HDAC8: variants seen among roughly 807,000 people sequenced by gnomAD.
HDAC8 encodes the protein histone deacetylase-like 1.
A neutral mutation model predicts 32.2 loss-of-function variants in HDAC8; 1 was observed. The ratio of observed to expected loss-of-function variants is 0.03; its 90% confidence interval spans 0.01 to 0.15. HDAC8 has a LOEUF of 0.15. Among genes scored for constraint, HDAC8 ranks in the 10% least tolerant of loss-of-function variants. The probability of loss-of-function intolerance (pLI) is 1.00; values close to 1 mark genes in which losing one functional copy is unlikely to be tolerated. For synonymous variants in HDAC8, 108 were observed against 113.9 expected, an observed-to-expected ratio of 0.95 and a Z score of 0.33; for missense variants, 117 against 300.0, an observed-to-expected ratio of 0.39 and a Z score of 4.51.
chrX:72,351,715 TC>T lies in HDAC8; in HGVS notation c.1111+17del, dbSNP rs1440186821. The T allele has an allele frequency of 2.8e-5, 33 of 1,159,105 alleles. No homozygotes were observed. The highest frequency in any genetic ancestry group is 3.9e-5 in the Non-Finnish European group (33 of 848,438). On this transcript the variant is annotated intron_variant, in intron 10 of 10. Coordinates refer to ENST00000373573, the MANE Select transcript of HDAC8 (RefSeq NM_018486.3). ...CTGGGTGGAACAAGGAGGGCAGGCC[TC>T]GAGGGGCGGTGCTCACCTTTGATGT...
chrX:72,522,690 C>A, intron 4 of HDAC8, among the ~76,000 whole-genome samples: 1 of 112,210 alleles, frequency 8.9e-6, no homozygotes, highest in Middle Eastern at 4.6e-3. Context: ...TAAATTGAGG[C>A]TTTATTTTTT....
At chrX:72,419,673 A>G (rs1266626068) in intron 9 of HDAC8, among the ~76,000 whole-genome samples, 2 of 111,628 alleles carry the variant, frequency 1.8e-5, no homozygotes, top group African/African-American at 6.5e-5. Context: ...AAAAGTTAAT[A>G]TTCATGTCTT....
At position 72,366,553 on chromosome X, in the gene HDAC8, T is replaced by C. The variant is rs2044701989; in HGVS notation, c.1006-14715A>G. ...CTTACACATTCTAGTGTAACTGTTTTTGTGCTTGTCTCCTCCACTGGGCAG... is the reference window on the plus strand; with the variant it reads ...CTTACACATTCTAGTGTAACTGTTTCTGTGCTTGTCTCCTCCACTGGGCAG... On this transcript the variant is annotated intron_variant, in intron 9 of 10. Coordinates refer to ENST00000373573, the MANE Select transcript of HDAC8 (RefSeq NM_018486.3). Among the ~76,000 whole-genome samples, 3 of 112,302 alleles carry C rather than the reference T, an allele frequency of 2.7e-5. No individual in the cohort carries two copies. The South Asian group carries it at 1.1e-3, about 42-fold the overall frequency.
intron 9 of HDAC8, among the ~76,000 whole-genome samples, chrX:72,454,228 G>A (rs2047664365): frequency 8.9e-6 from 1 of 112,194 alleles, no homozygotes; most frequent in Non-Finnish European, 1.9e-5. Flanking sequence ...TGAGCTCAAA[G>A]GACTGCCACC....
At chrX:72,471,109 TATA>T (rs1161302082) in intron 7 of HDAC8, among the ~76,000 whole-genome samples, 1 of 112,378 alleles carries the variant, frequency 8.9e-6, no homozygotes, top group Admixed American at 9.4e-5. Flanking sequence ...AGTGGAATCA[TATA>T]ATGTTTTCTT....
At position 72,489,059 on chromosome X, in the gene HDAC8, A is replaced by G; in HGVS notation, c.629-18T>C. The G allele has an allele frequency of 2.1e-5, 23 of 1,077,664 alleles. No individual in the cohort carries two copies. Among genetic ancestry groups the G allele is most frequent in the Non-Finnish European group, 2.7e-5 (21 of 785,550 alleles). 88.8% of individuals were successfully genotyped at this position (1,077,664 alleles called of 1,213,427 possible). A position where few individuals can be genotyped will look rare whatever the true frequency, so the allele number is the denominator to read the frequency against. On this transcript the variant is annotated intron_variant, in intron 6 of 10. Coordinates refer to ENST00000373573, the MANE Select transcript of HDAC8 (RefSeq NM_018486.3). Reference sequence around the variant, plus strand: ...ACCTGTTCCTATAAAAGAGAAGAGCACTATGATCAGTTATTAGGAACATGA... The same window carrying G: ...ACCTGTTCCTATAAAAGAGAAGAGCGCTATGATCAGTTATTAGGAACATGA...
At chrX:72,444,860 G>A (rs1462506360) in intron 9 of HDAC8, among the ~76,000 whole-genome samples, 2 of 108,056 alleles carry the variant, frequency 1.9e-5, no homozygotes, top group East Asian at 5.9e-4. Flanking sequence ...AAATCAATGT[G>A]CAAAAATCAC....
intron 9 of HDAC8, among the ~76,000 whole-genome samples, chrX:72,427,985 G>T (rs2046698781): frequency 8.9e-6 from 1 of 112,134 alleles, no homozygotes. Context: ...CCCTGTCCTT[G>T]CCTGTACAAT....
At position 72,343,014 on chromosome X, in the gene HDAC8, C is replaced by T. The variant is rs1440445553; in HGVS notation, c.1111+8719G>A. On this transcript the variant is annotated intron_variant, in intron 10 of 10. Coordinates refer to ENST00000373573, the MANE Select transcript of HDAC8 (RefSeq NM_018486.3). ...TATATAGACATAAAAAAACCCCAGCCTCATCCTAAGTAATATCTTTGAAAC... is the reference window on the plus strand; with the variant it reads ...TATATAGACATAAAAAAACCCCAGCTTCATCCTAAGTAATATCTTTGAAAC... 2.7e-5 allele frequency among the ~76,000 whole-genome samples: 3 copies of T among 111,480 alleles called. No individual in the cohort carries two copies. The Admixed American group carries it at 2.9e-4, about 11-fold the overall frequency.
chrX:72,523,387 T>C (rs938050382), intron 4 of HDAC8, among the ~76,000 whole-genome samples: 2 of 112,332 alleles, frequency 1.8e-5, no homozygotes, highest in Non-Finnish European at 3.8e-5. Context: ...TCCATTTGTA[T>C]GTCTTTTGAT....
chrX:72,442,692 C>A (rs1225876284), intron 9 of HDAC8, among the ~76,000 whole-genome samples: 9 of 111,676 alleles, frequency 8.1e-5, no homozygotes, highest in African/African-American at 1.3e-4. Context: ...ACAATATTAA[C>A]TTTAAATGTA....
At chrX:72,370,955 G>T (rs1316350780) in intron 9 of HDAC8, among the ~76,000 whole-genome samples, 1 of 111,698 alleles carries the variant, frequency 9.0e-6, no homozygotes, top group Non-Finnish European at 1.9e-5. Flanking sequence ...ATCTCCTTTG[G>T]CAACACTCTC....
chrX:72,552,311 T>A (rs1029186205), intron 4 of HDAC8, among the ~76,000 whole-genome samples: 8 of 105,974 alleles, frequency 7.5e-5, no homozygotes, highest in Admixed American at 4.0e-4. Context: ...AAAAAAAAAA[T>A]TTAAATTTAG....
chrX:72,367,571 G>T (rs2044739512), intron 9 of HDAC8, among the ~76,000 whole-genome samples: 1 of 112,280 alleles, frequency 8.9e-6, no homozygotes, highest in Non-Finnish European at 1.9e-5. Flanking sequence ...CCCCTCCAAG[G>T]CTCTAGATGT....
At chrX:72,434,028 T>C (rs2046888120) in intron 9 of HDAC8, among the ~76,000 whole-genome samples, 1 of 112,684 alleles carries the variant, frequency 8.9e-6, no homozygotes, top group African/African-American at 3.2e-5. Flanking sequence ...AACTAATGCA[T>C]GTGGCACAAT....
chrX:72,518,259 C>A (rs2049871174), intron 4 of HDAC8, among the ~76,000 whole-genome samples: 1 of 111,196 alleles, frequency 9.0e-6, no homozygotes, highest in African/African-American at 3.3e-5. Flanking sequence ...ATCCCTCATG[C>A]CCATTTATAG....
intron 9 of HDAC8, among the ~76,000 whole-genome samples, chrX:72,367,106 T>C (rs1042167212): frequency 4.4e-5 from 5 of 112,413 alleles, no homozygotes; most frequent in Non-Finnish European, 9.4e-5. Context: ...CCAAGGTTGC[T>C]TTTTGTCATT....
chrX:72,361,016 C>T (rs1312371636), intron 9 of HDAC8, among the ~76,000 whole-genome samples: 2 of 111,323 alleles, frequency 1.8e-5, no homozygotes, highest in African/African-American at 6.6e-5. Flanking sequence ...AGAGCACAAC[C>T]AAAAGGTCAG....
intron 7 of HDAC8, among the ~76,000 whole-genome samples, chrX:72,465,136 A>G (rs1462534395): frequency 9.0e-6 from 1 of 111,525 alleles, no homozygotes; most frequent in African/African-American, 3.3e-5. Flanking sequence ...TAAGATGAGG[A>G]CCATACTTGG....
Sources: gnomAD v4.1 joint callset for allele counts (sites outside exome capture counted in the v4.1 genomes callset) on GRCh38, gnomAD v4.1.1 for gene constraint, MANE v1.5 for transcripts, NCBI Gene and HGNC (gene_info 2026-07-23, HGNC 2026-07-21) for gene names.